INPP5D: variants seen among roughly 807,000 people sequenced by gnomAD.
INPP5D encodes the protein phosphatidylinositol 3,4,5-trisphosphate 5-phosphatase 1.
INPP5D carries 33 observed loss-of-function variants against 122.9 expected under a neutral mutation model. The ratio of observed to expected loss-of-function variants is 0.27; its 90% CI spans 0.20 to 0.36. The LOEUF (loss-of-function observed/expected upper bound fraction) is 0.36. Ranked by LOEUF, INPP5D falls within the 10% of genes least tolerant of loss-of-function variation. INPP5D has a pLI of 1.00. For missense variants in INPP5D, 1,053 were observed against 1,412.7 expected, an observed-to-expected ratio of 0.75 and a Z score of 4.08; for synonymous variants, 584 against 576.2, an observed-to-expected ratio of 1.01 and a Z score of -0.19.
rs1400854888 is a variant in INPP5D at position 233,160,283 on chromosome 2, T to C, written c.1138-1441T>C. 6.6e-6 allele frequency among the ~76,000 whole-genome samples: 1 copy of C among 152,234 alleles called. No homozygotes were observed. The highest frequency in any genetic ancestry group is 2.4e-5 in the African/African-American group (1 of 41,462). On this transcript the variant is annotated intron_variant, in intron 10 of 26. Coordinates refer to ENST00000445964, the MANE Select transcript of INPP5D (RefSeq NM_001017915.3). This position sits in a 1 kb window ranked among gnomAD's most constrained non-coding sequence, Gnocchi z 4.2. Reference sequence around the variant, plus strand: ...ACTGGTCATGTCATATGTTACACCCTGAAATTTGTGTACTTTGTTAAAGTC... The same window carrying C: ...ACTGGTCATGTCATATGTTACACCCCGAAATTTGTGTACTTTGTTAAAGTC...
chr2:233,134,876 G>A (rs56265336), intron 5 of INPP5D, among the ~76,000 whole-genome samples: 71,783 of 151,972 alleles, frequency 0.47, 17,403 homozygotes, highest in African/African-American at 0.55. Flanking sequence ...TAAGCCCATA[G>A]TTTTCCAATC....
chr2:233,174,453 G>T (rs1033354577), intron 17 of INPP5D, among the ~76,000 whole-genome samples: 1 of 152,210 alleles, frequency 6.6e-6, no homozygotes, highest in African/African-American at 2.4e-5. Context: ...GGAGCCCCAC[G>T]GGTAATTCTC....
At chr2:233,130,767 A>T in intron 5 of INPP5D, 119 bp downstream of exon 5, 2 of 1,041,914 alleles carry the variant, frequency 1.9e-6, no homozygotes, top group Non-Finnish European at 2.9e-6. Context: ...CACTCACAAT[A>T]ATTGAGTGGT....
intron 2 of INPP5D, among the ~76,000 whole-genome samples, chr2:233,084,556 T>C (rs973531612): frequency 6.6e-6 from 1 of 152,200 alleles, no homozygotes; most frequent in Non-Finnish European, 1.5e-5. Flanking sequence ...ACATGGCTTT[T>C]GGAGAGGGAA....
At chr2:233,089,369 C>A (rs1489077381) in intron 2 of INPP5D, among the ~76,000 whole-genome samples, 1 of 152,194 alleles carries the variant, frequency 6.6e-6, no homozygotes, top group Admixed American at 6.5e-5. Flanking sequence ...TTCAAGGAAA[C>A]AAAGGCTCAG....
At chr2:233,076,570 T>C (rs61351720) in intron 1 of INPP5D, among the ~76,000 whole-genome samples, 2,829 of 152,334 alleles carry the variant, frequency 0.019, 95 homozygotes, top group African/African-American at 0.063. Flanking sequence ...AAATAAAATA[T>C]TGTAAAATTA....
chr2:233,125,711 T>C, intron 3 of INPP5D, 34 bp from the exon 4 acceptor site: 2 of 1,592,538 alleles, frequency 1.3e-6, no homozygotes, highest in South Asian at 2.3e-5. Context: ...GCGCACAGTG[T>C]CCTCACCAAT....
chr2:233,206,037 A>C lies in INPP5D; in HGVS notation c.3568-669A>C, dbSNP rs562344424. On this transcript the variant is annotated intron_variant, in intron 26 of 26. Coordinates refer to ENST00000445964, the MANE Select transcript of INPP5D (RefSeq NM_001017915.3). This position sits in a 1 kb window ranked among gnomAD's most constrained non-coding sequence, Gnocchi z 4.0. ...GAGGTTGCAGTGAACCGAGATCGCA[A>C]CACTGCACTCCAGCCTGGGCGACAG... 6.6e-5 allele frequency among the ~76,000 whole-genome samples: 10 copies of C among 152,130 alleles called. No homozygotes were observed. The highest frequency in any genetic ancestry group is 2.4e-4 in the African/African-American group (10 of 41,518).
chr2:233,077,349 G>A (rs917282304), intron 1 of INPP5D, among the ~76,000 whole-genome samples: 2 of 152,048 alleles, frequency 1.3e-5, no homozygotes, highest in Non-Finnish European at 2.9e-5. Context: ...TTTAAAGTTA[G>A]TATATATTTT....
chr2:233,169,417 C>T lies in INPP5D; in HGVS notation c.1652+16C>T, dbSNP rs112743018. ...AGAAACTCAGGTAATGGAACTCCTT[C>T]CCCCCAAGAGTGTGCATTTGGGCTG... On this transcript the variant is annotated intron_variant, in intron 14 of 26. Coordinates refer to ENST00000445964, the MANE Select transcript of INPP5D (RefSeq NM_001017915.3). 1.3e-6 allele frequency: 2 copies of T among 1,573,394 alleles called. No homozygotes were observed. Among genetic ancestry groups the T allele is most frequent in the African/African-American group, 2.7e-5 (2 of 74,028 alleles).
rs376982879 is a variant in INPP5D, at chr2:233,065,307, G to GTTTT, written c.134+4712_134+4715dup. Among the ~76,000 whole-genome samples, 23 of 116,948 alleles carry GTTTT rather than the reference G, an allele frequency of 2.0e-4. 1 individual carries two copies. Among genetic ancestry groups the GTTTT allele is most frequent in the Non-Finnish European group, 2.5e-4 (15 of 60,202 alleles). 76.7% of individuals were successfully genotyped at this position (116,948 alleles called of 152,430 possible). Reference sequence around the variant, plus strand: ...CATGAACACAATCAGCACTTCTTGGGTTTTTTTTTTTTTTTTTTTTGACAG... The same window carrying GTTTT: ...CATGAACACAATCAGCACTTCTTGGGTTTTTTTTTTTTTTTTTTTTTTTTGACAG... On this transcript the variant is annotated intron_variant, in intron 1 of 26. Coordinates refer to ENST00000445964, the MANE Select transcript of INPP5D (RefSeq NM_001017915.3).
In INPP5D at chr2:233,189,813, G is replaced by A. The variant is rs1695004932; in HGVS notation, c.2359-37G>A. The A allele has an allele frequency of 6.2e-7, 1 of 1,605,392 alleles. No homozygotes were observed. Among genetic ancestry groups the A allele is most frequent in the Admixed American group, 1.7e-5 (1 of 58,374 alleles). On this transcript the variant is annotated intron_variant, in intron 21 of 26. Transcript: ENST00000445964. The surrounding 1 kb of genome is among the most constrained non-coding windows in gnomAD (Gnocchi z 5.6). ...CCACCTGTCCCCTCACCTGTCCCTT[G>A]CCCATCAACTCCAGTCCTGTGCCCT... is the stretch of plus-strand genomic sequence containing the variant.
Position 233,082,294 on chromosome 2 carries a change from A to G in INPP5D, c.198+2896A>G, listed in dbSNP as rs145998967. ...GAGGACCAAGTGCACACTCATGCCC[A>G]ATTAAGCAGACTCAGAGCCCTTCGG... On this transcript the variant is annotated intron_variant, in intron 2 of 26. Coordinates refer to ENST00000445964, the MANE Select transcript of INPP5D (RefSeq NM_001017915.3). This position sits in a 1 kb window ranked among gnomAD's most constrained non-coding sequence, Gnocchi z 4.7. Among the ~76,000 whole-genome samples, 23 of 152,316 alleles carry G rather than the reference A, an allele frequency of 1.5e-4. No homozygotes were observed. Among genetic ancestry groups the G allele is most frequent in the African/African-American group, 5.3e-4 (22 of 41,574 alleles).
chr2:233,168,565 G>A (rs1166757067), intron 13 of INPP5D, among the ~76,000 whole-genome samples: 2 of 152,258 alleles, frequency 1.3e-5, no homozygotes, highest in Non-Finnish European at 2.9e-5. Flanking sequence ...AATAGGCATG[G>A]CTGTGTTCCA....
At chr2:233,061,414 G>C (rs888695612) in intron 1 of INPP5D, among the ~76,000 whole-genome samples, 1 of 152,066 alleles carries the variant, frequency 6.6e-6, no homozygotes, top group Non-Finnish European at 1.5e-5. Context: ...CTAATCATAG[G>C]GGGGCCTTGC....
chr2:233,087,800 C>T (rs1691891628), intron 2 of INPP5D, among the ~76,000 whole-genome samples: 1 of 152,154 alleles, frequency 6.6e-6, no homozygotes, highest in Non-Finnish European at 1.5e-5. Flanking sequence ...TTTATCTCAC[C>T]CTTGCTGTAG....
At position 233,188,823 on chromosome 2, in the gene INPP5D, A is replaced by G. The variant is rs1694982795; in HGVS notation, c.2359-1027A>G. Among the ~76,000 whole-genome samples the G allele has an allele frequency of 6.6e-6, 1 of 152,136 alleles. No individual in the cohort carries two copies. The highest frequency in any genetic ancestry group is 2.4e-5 in the African/African-American group (1 of 41,420). ...AGTGATCCACCCACCTCGGCCTCCC[A>G]AAGTGCTGTGATTATAGGCATGAGC... On this transcript the variant is annotated intron_variant, in intron 21 of 26. Coordinates refer to ENST00000445964, the MANE Select transcript of INPP5D (RefSeq NM_001017915.3). This position sits in a 1 kb window ranked among gnomAD's most constrained non-coding sequence, Gnocchi z 4.7.
chr2:233,150,020 G>C (rs1574766505), intron 9 of INPP5D, among the ~76,000 whole-genome samples: 1 of 152,174 alleles, frequency 6.6e-6, no homozygotes, highest in South Asian at 2.1e-4. Context: ...TAGCATCATG[G>C]TGGCCCCTGT....
In INPP5D at chr2:233,145,883, C is replaced by T. The variant is rs186156740; in HGVS notation, c.754-279C>T. Reference sequence around the variant, plus strand: ...AAAGGTAACATGCAAGGACAGTCCTCGAGTTTTGTTTAAGCAACGGAGTGG... The same window carrying T: ...AAAGGTAACATGCAAGGACAGTCCTTGAGTTTTGTTTAAGCAACGGAGTGG... On this transcript the variant is annotated intron_variant, in intron 6 of 26. Transcript: ENST00000445964. 108 of 608,442 alleles carry T rather than the reference C, an allele frequency of 1.8e-4. 1 individual carries two copies. Among genetic ancestry groups the T allele is most frequent in the Middle Eastern group, 1.0e-3 (4 of 3,942 alleles). 37.7% of individuals were successfully genotyped at this position (608,442 alleles called of 1,614,324 possible).
Sources: allele counts gnomAD v4.1 joint callset (sites outside exome capture counted in the v4.1 genomes callset), GRCh38; gene constraint gnomAD v4.1.1; non-coding constraint Gnocchi (gnomAD v3.1); transcripts MANE v1.5; gene names NCBI Gene and HGNC (gene_info 2026-07-23, HGNC 2026-07-21).